The following LPIN2 variants were observed in gnomAD, a reference collection of about 807,000 sequenced individuals.
LPIN2 encodes the protein phosphatidate phosphatase LPIN2.
In LPIN2, 55 loss-of-function variants were observed where a neutral mutation model predicts 111.4. The ratio of observed to expected loss-of-function variants is 0.49; its 90% CI spans 0.40 to 0.62. The LOEUF is 0.62. Ranked by LOEUF, LPIN2 falls within the 20% of genes least tolerant of loss-of-function variation. The pLI is 0.00. For missense variants in LPIN2, 992 were observed against 1,112.1 expected, an observed-to-expected ratio of 0.89 and a Z score of 1.54; for synonymous variants, 425 against 414.0, an observed-to-expected ratio of 1.03 and a Z score of -0.32.
At position 2,925,336 on chromosome 18, in the gene LPIN2, C is replaced by G; in HGVS notation, c.1826G>C (p.Gly609Ala). 3.7e-6 allele frequency: 6 copies of G among 1,614,020 alleles called. No homozygotes were observed. Among genetic ancestry groups the G allele is most frequent in the Non-Finnish European group, 5.1e-6 (6 of 1,179,954 alleles). The stretch of plus-strand genomic sequence containing the variant: ...GATGGATTCTTCGAGCTCCTGTGAT[C>G]CCTCGTCACTCGAGGAGTCATTCTC... ...PAENDSSSDEGSQELEESITV... is the reference protein window; with the variant it reads ...PAENDSSSDEASQELEESITV... Residue 609 changes from glycine (G) to alanine (A), a missense_variant, in exon 14 of 20, where the codon GGA becomes GCA. Coordinates refer to ENST00000677752, the MANE Select transcript of LPIN2 (RefSeq NM_001375808.2). The surrounding 1 kb of genome is among the most constrained non-coding windows in gnomAD (Gnocchi z 4.1).
chr18:2,981,052 A>G (rs1250086926), intron 1 of LPIN2, among the ~76,000 whole-genome samples: 1 of 152,252 alleles, frequency 6.6e-6, no homozygotes, highest in Non-Finnish European at 1.5e-5. Flanking sequence ...ATTTCTAACA[A>G]AGCACAGAAA....
chr18:2,982,804 T>C (rs1246026584), intron 1 of LPIN2: 1 of 1,010,808 alleles, frequency 9.9e-7, no homozygotes. Flanking sequence ...TTTTCAGAGA[T>C]GAAGGTATAT....
At chr18:2,942,913 GT>G (rs2077385288) in intron 4 of LPIN2, among the ~76,000 whole-genome samples, 1 of 152,246 alleles carries the variant, frequency 6.6e-6, no homozygotes, top group Non-Finnish European at 1.5e-5. Context: ...CACTGATTCT[GT>G]TTTGCTAATA....
chr18:2,988,040 A>ATC (rs1414718128), intron 1 of LPIN2, among the ~76,000 whole-genome samples: 3 of 148,564 alleles, frequency 2.0e-5, no homozygotes, highest in African/African-American at 7.5e-5. Flanking sequence ...AAAAAAAAAG[A>ATC]ATCATCATGA....
At chr18:2,974,983 A>G (rs1029851014) in intron 1 of LPIN2, among the ~76,000 whole-genome samples, 2 of 152,180 alleles carry the variant, frequency 1.3e-5, no homozygotes, top group African/African-American at 2.4e-5. Flanking sequence ...TAGGCAACAG[A>G]GCAAGATCCT....
intron 1 of LPIN2, chr18:2,990,613 T>C (rs2078250806): frequency 1.1e-5 from 2 of 182,014 alleles, no homozygotes; most frequent in Middle Eastern, 2.3e-3. Flanking sequence ...ACGATGGCTA[T>C]AGTTTCTGTT....
intron 1 of LPIN2, among the ~76,000 whole-genome samples, chr18:2,990,306 G>T (rs1195023472): frequency 5.3e-5 from 8 of 151,974 alleles, no homozygotes; most frequent in African/African-American, 1.9e-4. Context: ...TAGATAAATT[G>T]GATTTCACTA....
chr18:2,921,373 A>G, intron 18 of LPIN2, 160 bp downstream of exon 18: 1 of 688,116 alleles, frequency 1.5e-6, no homozygotes. Context: ...CCCAGTTGCT[A>G]TAGATATTTG....
At chr18:2,951,878 G>T (rs681670) in intron 3 of LPIN2, among the ~76,000 whole-genome samples, 62 of 152,130 alleles carry the variant, frequency 4.1e-4, no homozygotes, top group African/African-American at 1.3e-3. Flanking sequence ...TTGGAGAAAG[G>T]CAATTAGAGA....
intron 1 of LPIN2, among the ~76,000 whole-genome samples, chr18:2,961,275 G>A (rs868070889): frequency 7.9e-5 from 12 of 152,052 alleles, no homozygotes; most frequent in African/African-American, 2.4e-4. Flanking sequence ...CATCATCCCC[G>A]GGAGAAACCA....
At chr18:3,011,570 C>G (rs2078603896) in intron 1 of LPIN2, 1 of 152,204 alleles carries the variant, frequency 6.6e-6, no homozygotes, top group Non-Finnish European at 1.5e-5. Flanking sequence ...GCCTGTAATC[C>G]CAGCTACTCG....
intron 6 of LPIN2, among the ~76,000 whole-genome samples, chr18:2,939,128 T>C (rs759629208): frequency 6.6e-6 from 1 of 152,168 alleles, no homozygotes; most frequent in African/African-American, 2.4e-5. Flanking sequence ...ACCACTGCTC[T>C]CCAGCATGGG....
In LPIN2 at chr18:2,920,365, G is replaced by A; in HGVS notation, c.2619C>T (p.Pro873=). The A allele has an allele frequency of 6.2e-7, 1 of 1,614,136 alleles. No individual in the cohort carries two copies. The highest frequency in any genetic ancestry group is 1.1e-5 in the South Asian group (1 of 91,088). Residue 873 remains proline (P), a synonymous_variant, in exon 20 of 20, where the codon CCC becomes CCT. Transcript: ENST00000677752. ...AGCAGAAGGAGCTGAACTCCGGGCA[G>A]GGAAAAGCGGAATTCTGCTCCTTAC... is the stretch of plus-strand genomic sequence containing the variant. ...LLSKEQNSAF[P]CPEFSSFCYW... is the part of the protein sequence containing the mutation.
In LPIN2 at chr18:2,928,580, G is replaced by A; in HGVS notation, c.1620+11C>T. ...GCTTTCGGAAAGGCAGCAGATGGTGGATCGCCTCACCTTAGGCAAGCTCTT... is the reference window on the plus strand; with the variant it reads ...GCTTTCGGAAAGGCAGCAGATGGTGAATCGCCTCACCTTAGGCAAGCTCTT... On this transcript the variant is annotated intron_variant, in intron 11 of 19. Coordinates refer to ENST00000677752, the MANE Select transcript of LPIN2 (RefSeq NM_001375808.2). 1.2e-6 allele frequency: 2 copies of A among 1,614,036 alleles called. No individual in the cohort carries two copies. The highest frequency in any genetic ancestry group is 1.7e-6 in the Non-Finnish European group (2 of 1,179,900).
At chr18:2,994,810 G>A (rs1472050587) in intron 1 of LPIN2, among the ~76,000 whole-genome samples, 1 of 152,056 alleles carries the variant, frequency 6.6e-6, no homozygotes, top group Admixed American at 6.6e-5. Context: ...GGGTGGGGGC[G>A]GTGTGTGGGC....
rs757825982 is a variant in LPIN2, at chr18:2,934,318, G to C, written c.1268+33C>G. The C allele has an allele frequency of 8.6e-6, 12 of 1,397,000 alleles. No individual in the cohort carries two copies. In the African/African-American group the frequency reaches 1.3e-4, roughly 15 times the overall value. 86.5% of individuals were successfully genotyped at this position (1,397,000 alleles called of 1,614,324 possible). The stretch of plus-strand genomic sequence containing the variant: ...CTCTAGAAATAACTAGACTATTTCA[G>C]AGCTGTCCTTCAATAAATAAGGACC... On this transcript the variant is annotated intron_variant, in intron 8 of 19. Transcript: ENST00000677752.
chr18:2,923,105 C>T (rs1030369431), intron 16 of LPIN2, among the ~76,000 whole-genome samples: 2 of 152,066 alleles, frequency 1.3e-5, no homozygotes, highest in African/African-American at 2.4e-5. Context: ...CTCATGCATG[C>T]GTGCACTATC....
intron 1 of LPIN2, among the ~76,000 whole-genome samples, chr18:3,011,166 A>G (rs1241678100): frequency 6.6e-6 from 1 of 152,200 alleles, no homozygotes; most frequent in East Asian, 1.9e-4. Flanking sequence ...CTATTGCTAC[A>G]TTCTCCTAGC....
At chr18:2,982,900 G>T in intron 1 of LPIN2, 9 of 335,920 alleles carry the variant, frequency 2.7e-5, no homozygotes, top group Non-Finnish European at 3.6e-5. Flanking sequence ...AAAGGAAATG[G>T]TTCTTAAAAA....
Sources: allele counts gnomAD v4.1 joint callset (sites outside exome capture counted in the v4.1 genomes callset), GRCh38; gene constraint gnomAD v4.1.1; non-coding constraint Gnocchi (gnomAD v3.1); transcripts MANE v1.5; gene names NCBI Gene and HGNC (gene_info 2026-07-23, HGNC 2026-07-21).